The following CBFA2T3 variants were observed in gnomAD, a reference collection of about 807,000 sequenced individuals.
CBFA2T3 encodes transcriptional corepressor CBFA2T3.
A neutral mutation model predicts 58.6 loss-of-function variants in CBFA2T3; 31 were observed. That is an observed-to-expected ratio of 0.53 (90% confidence interval 0.40 to 0.71). The LOEUF (loss-of-function observed/expected upper bound fraction) is 0.71. CBFA2T3 is among the 30% of genes least tolerant of loss of function. CBFA2T3 has a pLI of 0.00. For missense variants in CBFA2T3, 1,076 were observed against 963.1 expected (o/e 1.12, Z -1.55); for synonymous variants, 531 against 421.9 (o/e 1.26, Z -3.17).
At chr16:88,917,747 G>GCAAC (rs1970783961) in intron 1 of CBFA2T3, among the ~76,000 whole-genome samples, 1 of 152,172 alleles carries the variant, frequency 6.6e-6, no homozygotes, top group African/African-American at 2.4e-5. Context: ...TGTTCCCCCA[G>GCAAC]CAACCCCCAG....
intron 1 of CBFA2T3, among the ~76,000 whole-genome samples, chr16:88,943,606 C>T (rs1005602028): frequency 6.6e-6 from 1 of 152,212 alleles, no homozygotes; most frequent in African/African-American, 2.4e-5. Flanking sequence ...GCCCAGCGGT[C>T]ACAGGGTGGT....
chr16:88,965,924 C>A (rs1475899023), intron 1 of CBFA2T3, among the ~76,000 whole-genome samples: 1 of 152,244 alleles, frequency 6.6e-6, no homozygotes, highest in African/African-American at 2.4e-5. Flanking sequence ...TGGCACCTGA[C>A]AGGTCCTCTC....
chr16:88,898,110 T>C lies in CBFA2T3; in HGVS notation c.347A>G (p.His116Arg), dbSNP rs1969956610. 3.1e-6 allele frequency: 5 copies of C among 1,613,300 alleles called. No individual in the cohort carries two copies. The highest frequency in any genetic ancestry group is 3.4e-6 in the Non-Finnish European group (4 of 1,179,790). ...GPATLPHGRF[H>R]GCLKWSMVCL... is the part of the protein sequence containing the mutation. Reference sequence around the variant, plus strand: ...GACCATAGACCATTTTAAGCAGCCATGAAAACGGCCGTGGGGCAGCGTCGC... The same window carrying C: ...GACCATAGACCATTTTAAGCAGCCACGAAAACGGCCGTGGGGCAGCGTCGC... The change falls in exon 3 of 12, where the codon CAT becomes CGT. Residue 116 changes from histidine (H) to arginine (R), a missense_variant. Coordinates refer to ENST00000268679, the MANE Select transcript of CBFA2T3 (RefSeq NM_005187.6).
chr16:88,944,722 C>T (rs1045178015), intron 1 of CBFA2T3, among the ~76,000 whole-genome samples: 2 of 152,262 alleles, frequency 1.3e-5, no homozygotes, highest in African/African-American at 4.8e-5. Context: ...TTGCCACAGG[C>T]GTCCCTGCAC....
In CBFA2T3 at chr16:88,917,062, ACT is replaced by A. The variant is rs1263997003; in HGVS notation, c.152-15408_152-15407del. On this transcript the variant is annotated intron_variant, in intron 1 of 11. Transcript: ENST00000268679. ...GCACTCCAGCCTAGGTGACACCGTG[ACT>A]CTGTCTCAAAAAAAAAAAAAAGGAA... Among the ~76,000 whole-genome samples the A allele has an allele frequency of 2.7e-5, 4 of 148,254 alleles. No homozygotes were observed. The East Asian group carries it at 7.9e-4, about 29-fold the overall frequency.
Position 88,887,422 on chromosome 16 carries a change from G to A in CBFA2T3, c.712-1280C>T, listed in dbSNP as rs1377552331. Among the ~76,000 whole-genome samples the A allele has an allele frequency of 2.6e-5, 4 of 152,292 alleles. No homozygotes were observed. In the East Asian group the frequency reaches 7.7e-4, roughly 29 times the overall value. On this transcript the variant is annotated intron_variant, in intron 5 of 11. Coordinates refer to ENST00000268679, the MANE Select transcript of CBFA2T3 (RefSeq NM_005187.6). ...AACCGGCTGGTCGCTGTTAGGGCGG[G>A]GAGAACATCTGGATCCCTGGCTGGC...
chr16:88,891,802 G>A lies in CBFA2T3; in HGVS notation c.711+80C>T, dbSNP rs755494427. 3.7e-5 allele frequency: 36 copies of A among 980,538 alleles called. No individual in the cohort carries two copies. The East Asian group carries it at 6.1e-4, about 17-fold the overall frequency. 60.7% of individuals were successfully genotyped at this position (980,538 alleles called of 1,614,324 possible). A position where few individuals can be genotyped will look rare whatever the true frequency, so the allele number is the denominator to read the frequency against. On this transcript the variant is annotated intron_variant, in intron 5 of 11. Transcript: ENST00000268679. ...TTAAGCCCCTTCCCGCCTGTCCACC[G>A]CTGTCCACGCTGGCAAGGAGTGGGA...
At chr16:88,918,486 AGGGTGG>A (rs2142728879) in intron 1 of CBFA2T3, among the ~76,000 whole-genome samples, 1 of 152,342 alleles carries the variant, frequency 6.6e-6, no homozygotes, top group Non-Finnish European at 1.5e-5. Flanking sequence ...CCTCCTGGAC[AGGGTGG>A]GGCTCCCGCC....
intron 5 of CBFA2T3, among the ~76,000 whole-genome samples, chr16:88,887,475 CG>C: frequency 6.6e-6 from 1 of 152,242 alleles, no homozygotes; most frequent in Non-Finnish European, 1.5e-5. Context: ...AGCTGGGAGC[CG>C]GGGCGGTGGG....
At chr16:88,970,718 G>C (rs1972632060) in intron 1 of CBFA2T3, among the ~76,000 whole-genome samples, 1 of 152,192 alleles carries the variant, frequency 6.6e-6, no homozygotes, top group Admixed American at 6.5e-5. Flanking sequence ...CGGAGGCCTC[G>C]CCTCGCCTGG....
At chr16:88,931,119 G>A (rs1446242185) in intron 1 of CBFA2T3, among the ~76,000 whole-genome samples, 2 of 152,134 alleles carry the variant, frequency 1.3e-5, no homozygotes, top group East Asian at 1.9e-4. Flanking sequence ...TAACAGCCCA[G>A]GAGTGATGAG....
At chr16:88,891,068 G>A (rs959425280) in intron 5 of CBFA2T3, among the ~76,000 whole-genome samples, 1 of 152,108 alleles carries the variant, frequency 6.6e-6, no homozygotes, top group Non-Finnish European at 1.5e-5. Flanking sequence ...CTGGTCCACG[G>A]TTGATCTGGG....
chr16:88,919,686 A>G (rs2142731815), intron 1 of CBFA2T3, among the ~76,000 whole-genome samples: 1 of 152,260 alleles, frequency 6.6e-6, no homozygotes, highest in East Asian at 1.9e-4. Context: ...GCGGGACCCC[A>G]GTTACTTCTG....
intron 1 of CBFA2T3, among the ~76,000 whole-genome samples, chr16:88,920,672 C>A (rs2142734796): frequency 6.6e-6 from 1 of 152,298 alleles, no homozygotes; most frequent in Non-Finnish European, 1.5e-5. Context: ...CCACGCAATG[C>A]CAAAGGCACC....
At chr16:88,947,155 G>C (rs1350339936) in intron 1 of CBFA2T3, among the ~76,000 whole-genome samples, 2 of 152,226 alleles carry the variant, frequency 1.3e-5, no homozygotes, top group East Asian at 3.8e-4. Flanking sequence ...CCAGTGCCAG[G>C]TGCAATGTAG....
chr16:88,950,872 C>G, intron 1 of CBFA2T3: 1 of 349,934 alleles, frequency 2.9e-6, no homozygotes, highest in Non-Finnish European at 5.5e-6. Flanking sequence ...ATCTGTTCAC[C>G]CCTCCCCTGG....
At chr16:88,928,469 A>G (rs896370107) in intron 1 of CBFA2T3, among the ~76,000 whole-genome samples, 26 of 152,372 alleles carry the variant, frequency 1.7e-4, no homozygotes, top group Admixed American at 1.4e-3. Flanking sequence ...GAAAGCAGAC[A>G]CAGGGGATGT....
Position 88,920,261 on chromosome 16 carries a change from G to C in CBFA2T3, c.152-18605C>G, listed in dbSNP as rs1289521410. Among the ~76,000 whole-genome samples the C allele has an allele frequency of 3.9e-5, 6 of 152,178 alleles. 1 individual carries two copies. The highest frequency in any genetic ancestry group is 3.3e-4 in the Admixed American group (5 of 15,278). On this transcript the variant is annotated intron_variant, in intron 1 of 11. Transcript: ENST00000268679. ...TACTTGAAAGGAAGCCCTATGAGGG[G>C]AGAACTGAATTTTACATTTTATCTT... is the stretch of plus-strand genomic sequence containing the variant.
intron 1 of CBFA2T3, among the ~76,000 whole-genome samples, chr16:88,963,266 G>A (rs1354391322): frequency 6.6e-6 from 1 of 151,270 alleles, no homozygotes; most frequent in Non-Finnish European, 1.5e-5. Flanking sequence ...TTCTGCCAGG[G>A]GTGGGCGCTC....
Sources: gnomAD v4.1 joint callset for allele counts (sites outside exome capture counted in the v4.1 genomes callset) on GRCh38, gnomAD v4.1.1 for gene constraint, MANE v1.5 for transcripts, NCBI Gene and HGNC (gene_info 2026-07-23, HGNC 2026-07-21) for gene names.